The following SGPL1 variants were observed in gnomAD, a reference collection of about 807,000 sequenced individuals.
The protein encoded by SGPL1 is sphingosine-1-phosphate lyase 1.
SGPL1 carries 37 observed loss-of-function variants against 68.9 expected under a neutral mutation model. The ratio of observed to expected loss-of-function variants is 0.54; its 90% CI spans 0.41 to 0.71. The LOEUF (loss-of-function observed/expected upper bound fraction) is 0.71. Among genes scored for constraint, SGPL1 ranks in the 30% least tolerant of loss-of-function variants. The pLI, the probability that SGPL1 is intolerant of heterozygous loss-of-function variation, is 0.00. For missense variants in SGPL1, 551 were observed against 704.6 expected (o/e 0.78, Z 2.47); for synonymous variants, 236 against 248.5 (o/e 0.95, Z 0.47).
chr10:70,870,255 T>C (rs1396471338), intron 9 of SGPL1, among the ~76,000 whole-genome samples: 1 of 152,136 alleles, frequency 6.6e-6, no homozygotes, highest in East Asian at 1.9e-4. Context: ...CCCAGCACTT[T>C]GGGAAGCCGA....
rs368546805 is a variant in SGPL1, at chr10:70,838,089, TA to T, written c.28-6383del. ...GGCAATTAAATTTCAACGTGAGTTT[TA>T]GGGGGGACATTCAAATCATAACAGG... is the stretch of plus-strand genomic sequence containing the variant. On this transcript the variant is annotated intron_variant, in intron 2 of 14. Coordinates refer to ENST00000373202, the MANE Select transcript of SGPL1 (RefSeq NM_003901.4). 5.0e-3 allele frequency among the ~76,000 whole-genome samples: 766 copies of T among 152,308 alleles called. 5 individuals carry two copies. The highest frequency in any genetic ancestry group is 0.017 in the African/African-American group (687 of 41,548).
At chr10:70,857,026 G>A (rs893146749) in intron 5 of SGPL1, among the ~76,000 whole-genome samples, 14 of 152,196 alleles carry the variant, frequency 9.2e-5, no homozygotes, top group African/African-American at 3.1e-4. Flanking sequence ...CTGGAAGCAG[G>A]TAACTAGTTT....
intron 7 of SGPL1, among the ~76,000 whole-genome samples, chr10:70,865,678 G>A (rs1846173409): frequency 6.6e-6 from 1 of 152,226 alleles, no homozygotes; most frequent in Non-Finnish European, 1.5e-5. Context: ...CTAGCTAAGA[G>A]TTAAGAGTTG....
chr10:70,849,932 A>G (rs887527065), intron 3 of SGPL1, among the ~76,000 whole-genome samples: 1 of 152,322 alleles, frequency 6.6e-6, no homozygotes, highest in South Asian at 2.1e-4. Context: ...GCCTTGAGCA[A>G]GTTTTGATGC....
intron 13 of SGPL1, 75 bp from the exon 14 acceptor site, chr10:70,876,466 G>C: frequency 7.3e-7 from 1 of 1,363,440 alleles, no homozygotes; most frequent in Non-Finnish European, 1.0e-6. Context: ...GGAAATTCCC[G>C]TATTTGGGGC....
chr10:70,857,280 A>G (rs1038338476), intron 5 of SGPL1: 4 of 313,008 alleles, frequency 1.3e-5, no homozygotes, highest in East Asian at 1.0e-4. Flanking sequence ...AAAGCCATAT[A>G]GAGAACAAAA....
chr10:70,858,835 C>T (rs1477283463), intron 6 of SGPL1, among the ~76,000 whole-genome samples: 5 of 152,156 alleles, frequency 3.3e-5, no homozygotes, highest in Non-Finnish European at 7.3e-5. Context: ...TCCTACTCAT[C>T]TCTCAAAGTT....
Position 70,862,979 on chromosome 10 carries a change from C to T in SGPL1, c.615+3480C>T, listed in dbSNP as rs571743677. ...CTAAAGAATTCTGTTTTGTAGTTCT[C>T]CTTTTATTTTATTATTATTTTTTGA... On this transcript the variant is annotated intron_variant, in intron 7 of 14. Coordinates refer to ENST00000373202, the MANE Select transcript of SGPL1 (RefSeq NM_003901.4). Among the ~76,000 whole-genome samples the T allele has an allele frequency of 9.2e-5, 14 of 152,158 alleles. No homozygotes were observed. The South Asian group carries it at 1.9e-3, about 20-fold the overall frequency.
chr10:70,857,454 T>C (rs1024955833), intron 5 of SGPL1, 160 bp from the exon 6 acceptor site: 5 of 594,834 alleles, frequency 8.4e-6, no homozygotes, highest in South Asian at 1.9e-5. Context: ...GCTAACTCTA[T>C]TGAACTTTTT....
intron 4 of SGPL1, among the ~76,000 whole-genome samples, chr10:70,854,265 C>G (rs1171731794): frequency 6.6e-6 from 1 of 151,540 alleles, no homozygotes; most frequent in Non-Finnish European, 1.5e-5. Context: ...ACCTCCACCT[C>G]CTGGGTTCAA....
At chr10:70,850,687 A>T (rs1247906611) in intron 3 of SGPL1, among the ~76,000 whole-genome samples, 1 of 152,236 alleles carries the variant, frequency 6.6e-6, no homozygotes, top group Non-Finnish European at 1.5e-5. Context: ...CACATCCATA[A>T]AATGGAATAC....
chr10:70,824,872 T>G (rs1845403537), intron 2 of SGPL1, among the ~76,000 whole-genome samples: 1 of 152,140 alleles, frequency 6.6e-6, no homozygotes, highest in East Asian at 1.9e-4. Context: ...GTGGAACCTT[T>G]TGAAATCAAG....
chr10:70,820,832 A>T (rs867658861), intron 2 of SGPL1, among the ~76,000 whole-genome samples: 2 of 152,216 alleles, frequency 1.3e-5, no homozygotes, highest in African/African-American at 4.8e-5. Context: ...ATTATATTGA[A>T]ATTTTAAAAC....
chr10:70,865,586 T>C (rs1846171235), intron 7 of SGPL1, among the ~76,000 whole-genome samples: 2 of 152,236 alleles, frequency 1.3e-5, no homozygotes, highest in African/African-American at 4.8e-5. Context: ...GATGAGCTGC[T>C]TCTAGTGAAG....
intron 6 of SGPL1, among the ~76,000 whole-genome samples, chr10:70,857,959 C>A (rs1360455521): frequency 6.6e-6 from 1 of 152,092 alleles, no homozygotes; most frequent in African/African-American, 2.4e-5. Context: ...GGAAGGTAGT[C>A]CTGTCAGATG....
chr10:70,837,890 A>G (rs1397366798), intron 2 of SGPL1, among the ~76,000 whole-genome samples: 1 of 152,130 alleles, frequency 6.6e-6, no homozygotes, highest in Non-Finnish European at 1.5e-5. Context: ...CTTCTTGCTG[A>G]ATAATAACAT....
intron 2 of SGPL1, among the ~76,000 whole-genome samples, chr10:70,828,938 C>G (rs944701952): frequency 6.6e-6 from 1 of 152,118 alleles, no homozygotes; most frequent in African/African-American, 2.4e-5. Context: ...TTTTCACATT[C>G]TTCTGAAAGG....
Position 70,826,603 on chromosome 10 carries a change from A to C in SGPL1, c.27+9723A>C, listed in dbSNP as rs79515137. On this transcript the variant is annotated intron_variant, in intron 2 of 14. Transcript: ENST00000373202. ...AACAACGATACCAGATTAGGATATA[A>C]ACCATTTATCTCTAACTCTACGCTT... Among the ~76,000 whole-genome samples, 140 of 152,334 alleles carry C rather than the reference A, an allele frequency of 9.2e-4. 1 individual carries two copies. In the East Asian group the frequency reaches 0.024, roughly 26 times the overall value.
At chr10:70,875,632 T>A in intron 13 of SGPL1, 84 bp downstream of exon 13, 2 of 1,091,022 alleles carry the variant, frequency 1.8e-6, no homozygotes, top group Non-Finnish European at 2.7e-6. Flanking sequence ...AAGTATAGAG[T>A]TTGACTGCTA....
Sources: allele counts gnomAD v4.1 joint callset (sites outside exome capture counted in the v4.1 genomes callset), GRCh38; gene constraint gnomAD v4.1.1; transcripts MANE v1.5; gene names NCBI Gene and HGNC (gene_info 2026-07-23, HGNC 2026-07-21).